DMD: variants seen among roughly 807,000 people sequenced by gnomAD.
DMD encodes mutant dystrophin.
DMD carries 63 observed loss-of-function variants against 330.1 expected under a neutral mutation model. The observed-to-expected ratio is 0.19, with a 90% CI of 0.16 to 0.24. The LOEUF (loss-of-function observed/expected upper bound fraction) is 0.24, where lower values mean the gene tolerates loss of function less well. Among genes scored for constraint, DMD ranks in the 10% least tolerant of loss-of-function variants. The pLI, the probability that DMD is intolerant of heterozygous loss-of-function variation, is 1.00. For synonymous variants in DMD, 1,223 were observed against 959.8 expected (o/e 1.27, Z -5.07); for missense variants, 3,344 against 2,684.1 (o/e 1.25, Z -5.43).
chrX:32,397,918 A>T, intron 30 of DMD, among the ~76,000 whole-genome samples: 1 of 111,377 alleles, frequency 9.0e-6, no homozygotes, highest in Non-Finnish European at 1.9e-5. Context: ...AGAGAAAATA[A>T]GAAAATATTT....
rs776090499 is a variant in DMD, at chrX:31,348,629, G to A, written c.9090C>T (p.Ala3030=). ...GCAGCTGCCTGACTCGGTCCTCGAC[G>A]GCCACCTGGGAGGAAAAGGAGAGAA... ...LNTRWKLLQV[A]VEDRVRQLHE... is the part of the protein sequence containing the mutation. The change falls in exon 61 of 79, where the codon GCC becomes GCT. Residue 3030 remains alanine (A), a synonymous_variant. Coordinates refer to ENST00000357033, the MANE Select transcript of DMD (RefSeq NM_004006.3). 8.3e-7 allele frequency: 1 copy of A among 1,207,626 alleles called. No homozygotes were observed. The highest frequency in any genetic ancestry group is 1.1e-6 in the Non-Finnish European group (1 of 892,644).
At chrX:32,008,798 G>A (rs760870913) in intron 44 of DMD, among the ~76,000 whole-genome samples, 3 of 111,335 alleles carry the variant, frequency 2.7e-5, no homozygotes, top group Non-Finnish European at 5.7e-5. Context: ...TCTATGTGGA[G>A]TCTACATAGA....
intron 19 of DMD, among the ~76,000 whole-genome samples, chrX:32,500,825 G>A (rs2043978741): frequency 9.0e-6 from 1 of 111,511 alleles, no homozygotes. Context: ...TTTCTAGGAA[G>A]ACCACTGAAC....
chrX:31,227,881 G>C (rs2046777520), intron 63 of DMD, among the ~76,000 whole-genome samples: 1 of 110,217 alleles, frequency 9.1e-6, no homozygotes, highest in African/African-American at 3.3e-5. Context: ...TGATAGACTG[G>C]ATTAAGAAAA....
chrX:32,458,533 T>C (rs1366641523), intron 25 of DMD, among the ~76,000 whole-genome samples: 1 of 111,373 alleles, frequency 9.0e-6, no homozygotes, highest in Non-Finnish European at 1.9e-5. Context: ...GTGAATCAAA[T>C]GGGAATTCTA....
intron 1 of DMD, among the ~76,000 whole-genome samples, chrX:33,246,748 C>T (rs190015076): frequency 9.0e-5 from 10 of 110,516 alleles, no homozygotes; most frequent in Middle Eastern, 4.6e-3. Flanking sequence ...TGTGGTGGCG[C>T]GACCTCAGCT....
chrX:33,248,104 C>T (rs957767520), intron 1 of DMD, among the ~76,000 whole-genome samples: 5 of 111,082 alleles, frequency 4.5e-5, no homozygotes, highest in East Asian at 2.8e-4. Flanking sequence ...TGCGGTGGCG[C>T]GATCTCAGCT....
At chrX:31,928,933 T>C (rs747680835) in intron 47 of DMD, among the ~76,000 whole-genome samples, 1 of 112,071 alleles carries the variant, frequency 8.9e-6, no homozygotes, top group South Asian at 3.7e-4. Context: ...TCTCTTGATT[T>C]ATGACAAAGA....
chrX:31,600,510 GT>G (rs1177947507), intron 55 of DMD, among the ~76,000 whole-genome samples: 1,228 of 50,494 alleles, frequency 0.024, 3 homozygotes, highest in Non-Finnish European at 0.03. Context: ...GCCAACTATG[GT>G]TTTTTTTTTT....
In DMD at chrX:33,134,657, ACT is replaced by A. The variant is rs760647965; in HGVS notation, c.31+76623_31+76624del. 2.7e-5 allele frequency among the ~76,000 whole-genome samples: 3 copies of A among 111,964 alleles called. No homozygotes were observed. In the East Asian group the frequency reaches 8.4e-4, roughly 31 times the overall value. On this transcript the variant is annotated intron_variant, in intron 1 of 78. Transcript: ENST00000357033. Reference sequence around the variant, plus strand: ...ATAGATATGTTAGTCAGCTCGACTGACTCTTTCTACAACATACACATAGATCA... The same window carrying A: ...ATAGATATGTTAGTCAGCTCGACTGACTTTCTACAACATACACATAGATCA...
chrX:32,426,613 T>C (rs1330848247), intron 29 of DMD, among the ~76,000 whole-genome samples: 1 of 111,483 alleles, frequency 9.0e-6, no homozygotes, highest in Non-Finnish European at 1.9e-5. Context: ...ACCGGGTGTA[T>C]AGCCAAAGGA....
At chrX:32,502,910 T>C (rs1209573322) in intron 18 of DMD, among the ~76,000 whole-genome samples, 1 of 111,639 alleles carries the variant, frequency 9.0e-6, no homozygotes, top group Non-Finnish European at 1.9e-5. Flanking sequence ...TGTATCTGTG[T>C]CATCCAATAT....
chrX:31,449,312 T>C (rs2065517770), intron 59 of DMD, among the ~76,000 whole-genome samples: 2 of 110,245 alleles, frequency 1.8e-5, no homozygotes, highest in African/African-American at 6.6e-5. Flanking sequence ...TGAGAGGGAG[T>C]TGACCTAAGA....
intron 2 of DMD, among the ~76,000 whole-genome samples, chrX:32,902,384 G>A (rs1157073070): frequency 3.6e-5 from 4 of 110,310 alleles, no homozygotes; most frequent in Non-Finnish European, 7.5e-5. Flanking sequence ...TAAAACAAGT[G>A]GTAACTCAGT....
intron 44 of DMD, among the ~76,000 whole-genome samples, chrX:32,199,792 G>GTA (rs1411268488): frequency 5.3e-5 from 2 of 37,460 alleles, no homozygotes; most frequent in African/African-American, 1.5e-4. Flanking sequence ...GTGTGTGTGT[G>GTA]TGTGTGTGTG....
chrX:32,979,752 A>G (rs781536236), intron 2 of DMD, among the ~76,000 whole-genome samples: 3 of 111,889 alleles, frequency 2.7e-5, no homozygotes, highest in Non-Finnish European at 5.6e-5. Context: ...AAGATATATA[A>G]TGGGAGAAGT....
At chrX:31,328,479 T>C (rs1321724819) in intron 61 of DMD, among the ~76,000 whole-genome samples, 1 of 111,045 alleles carries the variant, frequency 9.0e-6, no homozygotes, top group Non-Finnish European at 1.9e-5. Context: ...CCTGATAGAC[T>C]GTAAAACTCA....
At chrX:31,439,106 CAG>C (rs1490097352) in intron 60 of DMD, among the ~76,000 whole-genome samples, 1 of 111,023 alleles carries the variant, frequency 9.0e-6, no homozygotes, top group East Asian at 2.8e-4. Context: ...ATTTGTAAAC[CAG>C]AGATAATAAT....
At chrX:32,749,619 G>A (rs775514751) in intron 7 of DMD, among the ~76,000 whole-genome samples, 2 of 112,579 alleles carry the variant, frequency 1.8e-5, no homozygotes, top group African/African-American at 3.2e-5. Flanking sequence ...AAGTGGAAAT[G>A]TTCAATATTT....
Sources: gnomAD v4.1 joint callset for allele counts (sites outside exome capture counted in the v4.1 genomes callset) on GRCh38, gnomAD v4.1.1 for gene constraint, MANE v1.5 for transcripts, NCBI Gene and HGNC (gene_info 2026-07-23, HGNC 2026-07-21) for gene names.